Variants in HLCS observed in about 807,000 individuals in gnomAD.
HLCS encodes the protein biotin--protein ligase.
A neutral mutation model predicts 75.0 loss-of-function variants in HLCS; 53 were observed. That is an observed-to-expected ratio of 0.71 (90% CI 0.57 to 0.89). HLCS has a LOEUF of 0.89. Ranked by LOEUF, HLCS falls within the 40% of genes least tolerant of loss-of-function variation. HLCS has a pLI of 0.00. For synonymous variants in HLCS, 431 were observed against 428.6 expected, an observed-to-expected ratio of 1.01 and a Z score of -0.07; for missense variants, 966 against 1,074.0, an observed-to-expected ratio of 0.90 and a Z score of 1.41.
chr21:36,849,673 T>A (rs2062921301), intron 6 of HLCS, among the ~76,000 whole-genome samples: 1 of 152,230 alleles, frequency 6.6e-6, no homozygotes, highest in Non-Finnish European at 1.5e-5. Flanking sequence ...ACTGCCAGCA[T>A]CCGGCTCTGC....
At chr21:36,863,667 C>T (rs944723278) in intron 6 of HLCS, among the ~76,000 whole-genome samples, 30 of 152,196 alleles carry the variant, frequency 2.0e-4, no homozygotes, top group Admixed American at 1.8e-3. Context: ...GGATATCATA[C>T]AGATAGATCT....
chr21:36,911,004 G>A (rs138718562), intron 5 of HLCS, among the ~76,000 whole-genome samples: 94 of 152,296 alleles, frequency 6.2e-4, no homozygotes, highest in African/African-American at 2.1e-3. Flanking sequence ...CAGGCTGACC[G>A]TCACTTAGGG....
At chr21:36,900,132 A>C (rs2065176686) in intron 5 of HLCS, among the ~76,000 whole-genome samples, 1 of 150,058 alleles carries the variant, frequency 6.7e-6, no homozygotes, top group Admixed American at 6.6e-5. Flanking sequence ...AAAAAACAAC[A>C]AAAAAAACAA....
intron 5 of HLCS, among the ~76,000 whole-genome samples, chr21:36,927,331 G>A (rs867312753): frequency 1.3e-5 from 2 of 152,222 alleles, no homozygotes; most frequent in Admixed American, 6.5e-5. Context: ...TCTGGGTGTC[G>A]ATGAAGGTCT....
At chr21:36,961,881 G>A (rs1307318252) in intron 2 of HLCS, among the ~76,000 whole-genome samples, 155 bp downstream of exon 2, 1 of 149,372 alleles carries the variant, frequency 6.7e-6, no homozygotes, top group East Asian at 2.0e-4. Context: ...TTGAACCCAG[G>A]AGGCGGAGGT....
intron 5 of HLCS, among the ~76,000 whole-genome samples, chr21:36,911,217 TGTGTCCCCAGCAGCCAGCTGCACTCTGC>T (rs2065691949): frequency 6.6e-6 from 1 of 152,164 alleles, no homozygotes; most frequent in Admixed American, 6.5e-5. Flanking sequence ...GCTGGCCCTG[TGTGTCCCCAGCAGCCAGCTGCACTCTGC>T]GCTGCCTCTC....
chr21:36,820,394 C>T (rs2061799666), intron 6 of HLCS, among the ~76,000 whole-genome samples: 2 of 152,352 alleles, frequency 1.3e-5, no homozygotes, highest in Admixed American at 6.5e-5. Flanking sequence ...TGGGATTCCT[C>T]GCGCTGTCAG....
intron 6 of HLCS, among the ~76,000 whole-genome samples, chr21:36,826,319 C>A (rs1267526939): frequency 6.6e-6 from 1 of 152,118 alleles, no homozygotes; most frequent in Non-Finnish European, 1.5e-5. Context: ...CACCTCCAGC[C>A]CTCATACTGA....
At position 36,803,449 on chromosome 21, in the gene HLCS, C is replaced by T. The variant is rs1398613054; in HGVS notation, c.1893-36164G>A. Among the ~76,000 whole-genome samples, 7 of 152,322 alleles carry T rather than the reference C, an allele frequency of 4.6e-5. No homozygotes were observed. In the South Asian group the frequency reaches 1.2e-3, roughly 27 times the overall value. On this transcript the variant is annotated intron_variant, in intron 6 of 10. Transcript: ENST00000674895. ...ATTAAATCTGGATTCCAGAAACGCT[C>T]GCACAGGGCGACCTTGTGTGCAGAA...
intron 6 of HLCS, among the ~76,000 whole-genome samples, chr21:36,836,486 C>T (rs1457344511): frequency 7.5e-6 from 1 of 132,554 alleles, no homozygotes; most frequent in Non-Finnish European, 1.6e-5. Flanking sequence ...CAACAGTCCC[C>T]AGAGTATGAT....
Position 36,841,606 on chromosome 21 carries a change from A to T in HLCS, c.1892+55254T>A, listed in dbSNP as rs570481087. Among the ~76,000 whole-genome samples, 11 of 152,356 alleles carry T rather than the reference A, an allele frequency of 7.2e-5. 1 individual carries two copies. In the South Asian group the frequency reaches 2.3e-3, roughly 32 times the overall value. On this transcript the variant is annotated intron_variant, in intron 6 of 10. Transcript: ENST00000674895. ...ACGGGAGTCAAAATCCTAGGCTGGG[A>T]AACAGTATCATCTTGGGCAAAACAC... is the stretch of plus-strand genomic sequence containing the variant.
chr21:36,808,850 T>C (rs1156421404), intron 6 of HLCS, among the ~76,000 whole-genome samples: 1 of 152,218 alleles, frequency 6.6e-6, no homozygotes, highest in Non-Finnish European at 1.5e-5. Flanking sequence ...GGTGATAAAT[T>C]CTTTTTTCTT....
In HLCS at chr21:36,803,470, C is replaced by T. The variant is rs561915238; in HGVS notation, c.1893-36185G>A. Among the ~76,000 whole-genome samples, 12 of 152,318 alleles carry T rather than the reference C, an allele frequency of 7.9e-5. 1 individual carries two copies. The South Asian group carries it at 2.5e-3, about 32-fold the overall frequency. On this transcript the variant is annotated intron_variant, in intron 6 of 10. Coordinates refer to ENST00000674895, the MANE Select transcript of HLCS (RefSeq NM_001352514.2). ...CGCTCGCACAGGGCGACCTTGTGTGCAGAAGTTTATTGCCAAGGTTCCAGT... is the reference window on the plus strand; with the variant it reads ...CGCTCGCACAGGGCGACCTTGTGTGTAGAAGTTTATTGCCAAGGTTCCAGT...
intron 6 of HLCS, among the ~76,000 whole-genome samples, chr21:36,838,525 G>A (rs2062499884): frequency 6.6e-6 from 1 of 151,992 alleles, no homozygotes. Context: ...CCAACACGGT[G>A]AAACTCTGTC....
At chr21:36,927,120 C>T (rs2066443761) in intron 5 of HLCS, among the ~76,000 whole-genome samples, 1 of 152,170 alleles carries the variant, frequency 6.6e-6, no homozygotes, top group Non-Finnish European at 1.5e-5. Flanking sequence ...AACTTTTTGT[C>T]ATTTTGCTGA....
chr21:36,751,813 T>G lies in HLCS; in HGVS notation c.*2433A>C, dbSNP rs2089378646. The G allele has an allele frequency of 6.6e-6, 1 of 152,214 alleles. No individual in the cohort carries two copies. Among genetic ancestry groups the G allele is most frequent in the South Asian group, 2.1e-4 (1 of 4,836 alleles). The allele number at this position is 152,214 out of a possible 1,614,324, so 9.4% of individuals were successfully genotyped here. A position where few individuals can be genotyped will look rare whatever the true frequency, so the allele number is the denominator to read the frequency against. ...AGCCTGGAAGGGAGGATATCTTGCC[T>G]TTTACAAAATACGGTCGATACTCAA... On this transcript the variant is annotated 3_prime_UTR_variant, in exon 11 of 11. Coordinates refer to ENST00000674895, the MANE Select transcript of HLCS (RefSeq NM_001352514.2).
rs542534612 is a variant in HLCS at position 36,818,759 on chromosome 21, C to T, written c.1893-51474G>A. Among the ~76,000 whole-genome samples the T allele has an allele frequency of 1.1e-4, 17 of 152,210 alleles. 1 individual carries two copies. Among genetic ancestry groups the T allele is most frequent in the Admixed American group, 8.5e-4 (13 of 15,290 alleles). On this transcript the variant is annotated intron_variant, in intron 6 of 10. Transcript: ENST00000674895. ...TCTCTTTTTCTCTCATTGTATTTTG[C>T]TTGTACTCAATTAAGAGATAATTTA...
intron 1 of HLCS, chr21:36,990,108 G>T: frequency 6.5e-6 from 1 of 152,688 alleles, no homozygotes; most frequent in South Asian, 2.0e-4. Context: ...GCCCCAGCAC[G>T]CCCCCGGCGA....
At chr21:36,809,465 T>C (rs1601344430) in intron 6 of HLCS, among the ~76,000 whole-genome samples, 1 of 152,238 alleles carries the variant, frequency 6.6e-6, no homozygotes, top group Non-Finnish European at 1.5e-5. Flanking sequence ...TGATCTTATA[T>C]CTGTAAATTT....
Sources: gnomAD v4.1 joint callset for allele counts (sites outside exome capture counted in the v4.1 genomes callset) on GRCh38, gnomAD v4.1.1 for gene constraint, MANE v1.5 for transcripts, NCBI Gene and HGNC (gene_info 2026-07-23, HGNC 2026-07-21) for gene names.